Variants in ARHGAP10 observed in about 807,000 individuals in gnomAD.
ARHGAP10 encodes the protein rho GTPase-activating protein 10.
In ARHGAP10, 87 loss-of-function variants were observed where a neutral mutation model predicts 108.6. The ratio of observed to expected loss-of-function variants is 0.80; its 90% CI spans 0.67 to 0.96. The LOEUF (loss-of-function observed/expected upper bound fraction) is 0.96. Ranked by LOEUF, ARHGAP10 falls within the 40% of genes least tolerant of loss-of-function variation. ARHGAP10 has a pLI of 0.00. For missense variants in ARHGAP10, 939 were observed against 954.5 expected (o/e 0.98, Z 0.21); for synonymous variants, 347 against 341.1 (o/e 1.02, Z -0.19).
intron 16 of ARHGAP10, among the ~76,000 whole-genome samples, chr4:147,955,686 G>A (rs1294153156): frequency 6.6e-6 from 1 of 152,040 alleles, no homozygotes; most frequent in Non-Finnish European, 1.5e-5. Flanking sequence ...ACTACAAAAT[G>A]TACAATAATG....
chr4:147,783,845 C>A (rs1185087618), intron 1 of ARHGAP10, among the ~76,000 whole-genome samples: 7 of 44,136 alleles, frequency 1.6e-4, no homozygotes, highest in African/African-American at 6.8e-4. Context: ...ATTTATATAA[C>A]ACACATTAAA....
chr4:147,851,401 G>A (rs11099670), intron 4 of ARHGAP10, among the ~76,000 whole-genome samples: 1 of 151,948 alleles, frequency 6.6e-6, no homozygotes, highest in Non-Finnish European at 1.5e-5. Flanking sequence ...TTTTTGTAGA[G>A]ACGGTCTCTC....
chr4:147,840,294 A>G (rs1293115764), intron 3 of ARHGAP10, among the ~76,000 whole-genome samples: 1 of 152,108 alleles, frequency 6.6e-6, no homozygotes, highest in Non-Finnish European at 1.5e-5. Flanking sequence ...GCTCCCTTTA[A>G]GCAAATCAGA....
At chr4:147,761,256 A>G (rs943258664) in intron 1 of ARHGAP10, among the ~76,000 whole-genome samples, 4 of 152,020 alleles carry the variant, frequency 2.6e-5, no homozygotes, top group Non-Finnish European at 2.9e-5. Context: ...GCCCCAAGCA[A>G]TCCTCCCTCC....
At chr4:147,944,855 T>G (rs1560838441) in intron 14 of ARHGAP10, among the ~76,000 whole-genome samples, 1 of 152,240 alleles carries the variant, frequency 6.6e-6, no homozygotes, top group South Asian at 2.1e-4. Context: ...ATTTCCTGCC[T>G]CCTCCCTTTG....
chr4:147,852,303 G>A (rs1416025848), intron 4 of ARHGAP10, among the ~76,000 whole-genome samples: 1 of 152,234 alleles, frequency 6.6e-6, no homozygotes, highest in Non-Finnish European at 1.5e-5. Context: ...CACTTTGCCA[G>A]CGTTGGTGCT....
chr4:147,870,928 C>CTGTGTGTGTGTG (rs57348496), intron 7 of ARHGAP10, among the ~76,000 whole-genome samples: 41 of 139,154 alleles, frequency 2.9e-4, no homozygotes, highest in African/African-American at 6.5e-4. Context: ...AAACTACAGA[C>CTGTGTGTGTGTG]TGTGTGTGTG....
At chr4:147,987,106 G>T (rs753407632) in intron 18 of ARHGAP10, among the ~76,000 whole-genome samples, 8 of 152,190 alleles carry the variant, frequency 5.3e-5, no homozygotes, top group Non-Finnish European at 1.2e-4. Context: ...AATTATACCA[G>T]ATAGACTAAG....
chr4:148,066,000 T>C (rs1204501437), intron 22 of ARHGAP10, among the ~76,000 whole-genome samples: 1 of 86,518 alleles, frequency 1.2e-5, no homozygotes, highest in African/African-American at 4.1e-5. Context: ...AAAAAAAGGG[T>C]TGAGGGGATT....
chr4:147,846,675 C>T (rs1241372472), intron 3 of ARHGAP10, among the ~76,000 whole-genome samples: 2 of 152,122 alleles, frequency 1.3e-5, no homozygotes, highest in African/African-American at 4.8e-5. Flanking sequence ...TACCTTAAAT[C>T]CTTAGGAGGT....
chr4:148,003,887 T>G, intron 18 of ARHGAP10, among the ~76,000 whole-genome samples: 1 of 114,180 alleles, frequency 8.8e-6, no homozygotes, highest in Non-Finnish European at 1.7e-5. Context: ...GTGTCTTTTA[T>G]CTGAGTGTAA....
chr4:147,826,538 G>A (rs546484186), intron 3 of ARHGAP10, among the ~76,000 whole-genome samples: 64 of 152,258 alleles, frequency 4.2e-4, no homozygotes, highest in African/African-American at 1.4e-3. Context: ...AGCCAACCAC[G>A]GAATTAACAG....
intron 13 of ARHGAP10, chr4:147,916,529 T>G (rs1344568434): frequency 6.6e-6 from 1 of 152,228 alleles, no homozygotes; most frequent in African/African-American, 2.4e-5. Context: ...GGCCAAAAGT[T>G]TATTTGCCTT....
chr4:147,982,765 C>A (rs1196995878), intron 18 of ARHGAP10, among the ~76,000 whole-genome samples: 1 of 151,964 alleles, frequency 6.6e-6, no homozygotes, highest in African/African-American at 2.4e-5. Context: ...TGAATTTTAT[C>A]CCCAAATATG....
intron 13 of ARHGAP10, among the ~76,000 whole-genome samples, chr4:147,918,641 C>G (rs1413828400): frequency 6.6e-6 from 1 of 152,208 alleles, no homozygotes; most frequent in African/African-American, 2.4e-5. Context: ...CTTCATCTCC[C>G]TAGCTGTCCA....
chr4:148,035,612 C>T (rs954819480), intron 19 of ARHGAP10, among the ~76,000 whole-genome samples: 5 of 152,146 alleles, frequency 3.3e-5, no homozygotes, highest in East Asian at 1.9e-4. Context: ...GGAGTGAGGT[C>T]GTTCTGCCCC....
intron 19 of ARHGAP10, among the ~76,000 whole-genome samples, chr4:148,044,493 C>G (rs932422900): frequency 5.9e-5 from 9 of 152,124 alleles, no homozygotes; most frequent in Non-Finnish European, 1.2e-4. Context: ...ATCTGACTTG[C>G]TGTGAAGGTG....
intron 1 of ARHGAP10, among the ~76,000 whole-genome samples, chr4:147,751,409 G>C (rs1411089115): frequency 2.6e-5 from 4 of 151,560 alleles, no homozygotes; most frequent in African/African-American, 7.3e-5. Context: ...TTCCACCCAG[G>C]CCAGGGTGCA....
chr4:147,857,179 G>T (rs1177839758), intron 4 of ARHGAP10, among the ~76,000 whole-genome samples: 1 of 152,190 alleles, frequency 6.6e-6, no homozygotes, highest in East Asian at 1.9e-4. Flanking sequence ...CCACGTCTGT[G>T]CCAAAATCTG....
Sources: gnomAD v4.1 joint callset for allele counts (sites outside exome capture counted in the v4.1 genomes callset) on GRCh38, gnomAD v4.1.1 for gene constraint, MANE v1.5 for transcripts, NCBI Gene and HGNC (gene_info 2026-07-23, HGNC 2026-07-21) for gene names.